The following FAT3 variants were observed in gnomAD, a reference collection of about 807,000 sequenced individuals.
FAT3 encodes the protein FAT atypical cadherin 3.
In FAT3, 95 loss-of-function variants were observed where a neutral mutation model predicts 310.2. The ratio of observed to expected loss-of-function variants is 0.31; its 90% CI spans 0.26 to 0.36. The LOEUF (loss-of-function observed/expected upper bound fraction) is 0.36, where lower values mean the gene tolerates loss of function less well. Among genes scored for constraint, FAT3 ranks in the 10% least tolerant of loss-of-function variants. The pLI, the probability that FAT3 is intolerant of heterozygous loss-of-function variation, is 1.00. For missense variants in FAT3, 5,408 were observed against 5,715.6 expected (o/e 0.95, Z 1.74); for synonymous variants, 2,314 against 2,192.9 (o/e 1.06, Z -1.54).
intron 3 of FAT3, chr11:92,559,451 C>A: frequency 3.0e-6 from 1 of 338,656 alleles, no homozygotes; most frequent in South Asian, 2.3e-5. Context: ...GTGGCATGAT[C>A]ATAGCTCACT....
chr11:92,564,641 G>A (rs1238887799), intron 3 of FAT3, among the ~76,000 whole-genome samples: 1 of 152,056 alleles, frequency 6.6e-6, no homozygotes, highest in Admixed American at 6.6e-5. Context: ...TTGAAGTAAA[G>A]CTCTCCTCAG....
chr11:92,389,362 CT>C (rs1949699165), intron 2 of FAT3, among the ~76,000 whole-genome samples: 1 of 152,168 alleles, frequency 6.6e-6, no homozygotes, highest in Admixed American at 6.5e-5. Context: ...ATGGTGACTA[CT>C]GTTTTCTGTC....
At chr11:92,743,928 C>T (rs1430066754) in intron 4 of FAT3, among the ~76,000 whole-genome samples, 1 of 152,168 alleles carries the variant, frequency 6.6e-6, no homozygotes, top group African/African-American at 2.4e-5. Context: ...CAGAGTCCCA[C>T]CAGGAAGAAG....
chr11:92,622,592 T>C (rs1447164461), intron 3 of FAT3, among the ~76,000 whole-genome samples: 1 of 152,098 alleles, frequency 6.6e-6, no homozygotes, highest in Non-Finnish European at 1.5e-5. Flanking sequence ...AGAAACAAGA[T>C]TGCTATGTAT....
At chr11:92,695,945 G>T (rs1422643459) in intron 3 of FAT3, among the ~76,000 whole-genome samples, 1 of 152,130 alleles carries the variant, frequency 6.6e-6, no homozygotes, top group Non-Finnish European at 1.5e-5. Flanking sequence ...CAGCTTGGGT[G>T]AATATAGTTA....
intron 1 of FAT3, among the ~76,000 whole-genome samples, chr11:92,323,214 T>A (rs1947672009): frequency 6.6e-6 from 1 of 151,954 alleles, no homozygotes. Context: ...TATATACATA[T>A]ACATACATAT....
At chr11:92,571,965 A>G (rs1955677638) in intron 3 of FAT3, among the ~76,000 whole-genome samples, 1 of 152,188 alleles carries the variant, frequency 6.6e-6, no homozygotes, top group Admixed American at 6.5e-5. Context: ...ATATTTGGGG[A>G]TAGAAAGAGA....
At chr11:92,774,008 T>C in intron 6 of FAT3, 33 bp from the exon 7 acceptor site, 1 of 1,609,566 alleles carries the variant, frequency 6.2e-7, no homozygotes, top group Non-Finnish European at 8.5e-7. Flanking sequence ...AGTTATCAGA[T>C]TTGCTAATTT....
intron 3 of FAT3, among the ~76,000 whole-genome samples, chr11:92,610,692 T>G (rs1442250067): frequency 6.6e-6 from 1 of 152,204 alleles, no homozygotes; most frequent in Non-Finnish European, 1.5e-5. Context: ...CACCGTTTCT[T>G]TTTTGCACTT....
chr11:92,518,218 T>C (rs1953553368), intron 2 of FAT3, among the ~76,000 whole-genome samples: 1 of 152,210 alleles, frequency 6.6e-6, no homozygotes, highest in Admixed American at 6.5e-5. Context: ...TGCACACGTA[T>C]GTTTACTGCA....
intron 2 of FAT3, among the ~76,000 whole-genome samples, chr11:92,449,190 A>G (rs1224358377): frequency 3.3e-5 from 5 of 152,216 alleles, no homozygotes; most frequent in Admixed American, 6.5e-5. Context: ...GTACTGAACA[A>G]TTTGAGAAAT....
intron 3 of FAT3, among the ~76,000 whole-genome samples, chr11:92,644,053 A>G (rs1021137786): frequency 3.3e-5 from 5 of 152,250 alleles, no homozygotes; most frequent in African/African-American, 1.2e-4. Flanking sequence ...ATCCTTGTCA[A>G]TGCCTGGGTG....
intron 2 of FAT3, among the ~76,000 whole-genome samples, chr11:92,442,826 A>T (rs1175322128): frequency 6.6e-6 from 1 of 152,022 alleles, no homozygotes; most frequent in African/African-American, 2.4e-5. Flanking sequence ...TTTTTATGCT[A>T]CCTATTAGTT....
chr11:92,489,414 G>A (rs1952533749), intron 2 of FAT3, among the ~76,000 whole-genome samples: 1 of 152,050 alleles, frequency 6.6e-6, no homozygotes, highest in South Asian at 2.1e-4. Context: ...GTCCCCGAAT[G>A]TACTTATCCT....
intron 3 of FAT3, among the ~76,000 whole-genome samples, chr11:92,657,954 T>C (rs960506985): frequency 6.6e-6 from 1 of 152,204 alleles, no homozygotes; most frequent in Non-Finnish European, 1.5e-5. Flanking sequence ...AGGAGCCATA[T>C]ATGTAATTTT....
At chr11:92,764,174 G>C (rs1946240922) in intron 5 of FAT3, among the ~76,000 whole-genome samples, 1 of 151,930 alleles carries the variant, frequency 6.6e-6, no homozygotes, top group Non-Finnish European at 1.5e-5. Flanking sequence ...TCAGCTAATT[G>C]TGACCACAGA....
At chr11:92,515,703 G>A (rs1415992306) in intron 2 of FAT3, among the ~76,000 whole-genome samples, 1 of 152,012 alleles carries the variant, frequency 6.6e-6, no homozygotes, top group African/African-American at 2.4e-5. Context: ...ACTGCCTCAT[G>A]AGTGCTTACA....
chr11:92,638,803 C>G (rs1317568733), intron 3 of FAT3, among the ~76,000 whole-genome samples: 2 of 152,152 alleles, frequency 1.3e-5, no homozygotes. Flanking sequence ...TTAATCCCTT[C>G]TTGTGAACTG....
In FAT3 at chr11:92,511,944, A is replaced by G. The variant is rs375362043; in HGVS notation, c.3293-12690A>G. 5.9e-5 allele frequency among the ~76,000 whole-genome samples: 9 copies of G among 152,296 alleles called. No homozygotes were observed. The South Asian group carries it at 1.7e-3, about 28-fold the overall frequency. ...TGAATTTCCTATTACCAAAGAGCTG[A>G]TACTAACCCACTGTGAGGAGCACAA... On this transcript the variant is annotated intron_variant, in intron 2 of 27. Coordinates refer to ENST00000525166, the MANE Select transcript of FAT3 (RefSeq NM_001367949.2).
Sources: gnomAD v4.1 joint callset for allele counts (sites outside exome capture counted in the v4.1 genomes callset) on GRCh38, gnomAD v4.1.1 for gene constraint, MANE v1.5 for transcripts, NCBI Gene and HGNC (gene_info 2026-07-23, HGNC 2026-07-21) for gene names.